The following DLG2 variants were observed in gnomAD, a reference collection of about 807,000 sequenced individuals.
DLG2 encodes the protein discs large MAGUK scaffold protein 2, also known as disks large homolog 2.
A neutral mutation model predicts 132.5 loss-of-function variants in DLG2; 45 were observed. The ratio of observed to expected loss-of-function variants is 0.34; its 90% CI spans 0.27 to 0.44. The LOEUF is 0.44. Ranked by LOEUF, DLG2 falls within the 20% of genes least tolerant of loss-of-function variation. The pLI is 1.00. For missense variants in DLG2, 1,045 were observed against 1,196.9 expected (o/e 0.87, Z 1.87); for synonymous variants, 424 against 419.6 (o/e 1.01, Z -0.13).
chr11:83,959,612 A>C (rs557389040), intron 14 of DLG2, among the ~76,000 whole-genome samples: 1 of 149,510 alleles, frequency 6.7e-6, no homozygotes, highest in South Asian at 2.1e-4. Flanking sequence ...TCCATGAAGA[A>C]ATTAGAAGAT....
At chr11:84,469,754 G>C (rs565709243) in intron 7 of DLG2, among the ~76,000 whole-genome samples, 36 of 151,582 alleles carry the variant, frequency 2.4e-4, no homozygotes, top group African/African-American at 8.5e-4. Flanking sequence ...TTATTAAATA[G>C]TCACATGGGT....
chr11:85,243,061 T>C (rs2075967860), intron 4 of DLG2, among the ~76,000 whole-genome samples: 1 of 151,922 alleles, frequency 6.6e-6, no homozygotes, highest in Non-Finnish European at 1.5e-5. Flanking sequence ...TCAAACTGTT[T>C]TTTCTTTTAA....
chr11:84,977,955 T>C (rs752495501), intron 6 of DLG2, among the ~76,000 whole-genome samples: 8 of 152,174 alleles, frequency 5.3e-5, no homozygotes, highest in Non-Finnish European at 1.0e-4. Context: ...GAAGTAACTG[T>C]TCATCCAAAC....
At chr11:84,888,861 C>T (rs2088815458) in intron 6 of DLG2, among the ~76,000 whole-genome samples, 1 of 152,112 alleles carries the variant, frequency 6.6e-6, no homozygotes, top group Non-Finnish European at 1.5e-5. Context: ...TGATAAGCAG[C>T]AAATATACAT....
intron 3 of DLG2, among the ~76,000 whole-genome samples, chr11:85,488,530 T>C (rs1343566103): frequency 6.6e-6 from 1 of 152,220 alleles, no homozygotes; most frequent in African/African-American, 2.4e-5. Context: ...CTCAGGCATG[T>C]CTTCATCAGC....
intron 6 of DLG2, among the ~76,000 whole-genome samples, chr11:84,753,921 A>T (rs2066509616): frequency 6.6e-6 from 1 of 152,236 alleles, no homozygotes; most frequent in African/African-American, 2.4e-5. Context: ...ACTAGGTTGG[A>T]CATTGCTGAG....
At chr11:84,943,202 G>GTGTGTGTGTC (rs1481407249) in intron 6 of DLG2, among the ~76,000 whole-genome samples, 125 of 144,076 alleles carry the variant, frequency 8.7e-4, no homozygotes, top group African/African-American at 3.0e-3. Context: ...GTGTGTGTGT[G>GTGTGTGTGTC]TATCTATTCA....
intron 9 of DLG2, among the ~76,000 whole-genome samples, chr11:84,116,082 C>A (rs907392297): frequency 6.4e-4 from 98 of 152,268 alleles, no homozygotes; most frequent in African/African-American, 2.4e-3. Flanking sequence ...CCACCAAATT[C>A]GTGTGTTGGA....
chr11:84,655,130 T>A (rs562164886), intron 6 of DLG2, among the ~76,000 whole-genome samples: 1 of 152,322 alleles, frequency 6.6e-6, no homozygotes, highest in South Asian at 2.1e-4. Flanking sequence ...CTTTGATATA[T>A]GAAAGGCTCT....
chr11:84,679,927 C>T (rs557621216), intron 6 of DLG2, among the ~76,000 whole-genome samples: 2 of 152,206 alleles, frequency 1.3e-5, no homozygotes, highest in Non-Finnish European at 2.9e-5. Context: ...ATGACTATTA[C>T]AGCCACACTT....
rs537950742 is a variant in DLG2 at position 84,752,570 on chromosome 11, T to C, written c.358-217839A>G. ...CTTCTTTGGTTTTCTTTTTCTTTTT[T>C]TTTTTTTTTTATTATACTTTAAGTT... On this transcript the variant is annotated intron_variant, in intron 6 of 27. Transcript: ENST00000376104. Among the ~76,000 whole-genome samples, 194 of 150,758 alleles carry C rather than the reference T, an allele frequency of 1.3e-3. 2 individuals carry two copies. The highest frequency in any genetic ancestry group is 4.3e-3 in the African/African-American group (176 of 41,134).
At chr11:85,217,634 C>T (rs1239669622) in intron 4 of DLG2, among the ~76,000 whole-genome samples, 1 of 152,102 alleles carries the variant, frequency 6.6e-6, no homozygotes, top group African/African-American at 2.4e-5. Context: ...CAGCTTATTC[C>T]TATGCAACAT....
chr11:84,100,719 G>A (rs2092448635), intron 9 of DLG2, among the ~76,000 whole-genome samples: 1 of 152,028 alleles, frequency 6.6e-6, no homozygotes, highest in African/African-American at 2.4e-5. Flanking sequence ...TGAGGACTAT[G>A]AATTCAGTAG....
At chr11:84,214,132 T>C (rs2096796581) in intron 8 of DLG2, among the ~76,000 whole-genome samples, 1 of 149,014 alleles carries the variant, frequency 6.7e-6, no homozygotes, top group Admixed American at 6.7e-5. Context: ...AAAATGATGA[T>C]GAATATTTCA....
At chr11:83,534,306 A>G (rs1005747995) in intron 20 of DLG2, among the ~76,000 whole-genome samples, 3 of 152,244 alleles carry the variant, frequency 2.0e-5, no homozygotes, top group Non-Finnish European at 2.9e-5. Context: ...ATAATTGTCC[A>G]GCAAAAATAA....
At chr11:85,036,368 GTAGGCGGGAT>G (rs1462945797) in intron 6 of DLG2, among the ~76,000 whole-genome samples, 4 of 152,052 alleles carry the variant, frequency 2.6e-5, no homozygotes, top group Non-Finnish European at 4.4e-5. Context: ...CCACTAGAAT[GTAGGCGGGAT>G]TTCATCTGTC....
At chr11:84,401,374 T>C (rs2098828816) in intron 7 of DLG2, among the ~76,000 whole-genome samples, 1 of 152,136 alleles carries the variant, frequency 6.6e-6, no homozygotes, top group South Asian at 2.1e-4. Flanking sequence ...TTGTTTAATG[T>C]CTTTCCTCCA....
intron 6 of DLG2, among the ~76,000 whole-genome samples, chr11:84,539,834 G>C (rs1176817219): frequency 6.6e-6 from 1 of 151,974 alleles, no homozygotes; most frequent in Non-Finnish European, 1.5e-5. Context: ...AACCAAAACA[G>C]CATGGTAGGT....
intron 6 of DLG2, among the ~76,000 whole-genome samples, chr11:85,044,966 C>T (rs2062198837): frequency 6.6e-6 from 1 of 152,026 alleles, no homozygotes; most frequent in South Asian, 2.1e-4. Context: ...TAACTTCTGG[C>T]CTTTCTCTGC....
Sources: allele counts gnomAD v4.1 joint callset (sites outside exome capture counted in the v4.1 genomes callset), GRCh38; gene constraint gnomAD v4.1.1; transcripts MANE v1.5; gene names NCBI Gene and HGNC (gene_info 2026-07-23, HGNC 2026-07-21).